Variants in LRRC37A2 observed in about 807,000 individuals in gnomAD.
LRRC37A2 encodes leucine-rich repeat-containing protein 37A2.
A neutral mutation model predicts 68.8 loss-of-function variants in LRRC37A2; 9 were observed. That is an observed-to-expected ratio of 0.13 (90% CI 0.08 to 0.23). LRRC37A2 has a LOEUF of 0.23. LRRC37A2 is among the 10% of genes least tolerant of loss of function. The probability of loss-of-function intolerance (pLI) is 1.00; values close to 1 mark genes in which losing one functional copy is unlikely to be tolerated. For synonymous variants in LRRC37A2, 63 were observed against 367.6 expected, an observed-to-expected ratio of 0.17 and a Z score of 9.48; for missense variants, 168 against 950.4, an observed-to-expected ratio of 0.18 and a Z score of 10.82.
chr17:46,472,910 G>A, the LRRC37A2 span, among the ~76,000 whole-genome samples: 1 of 61,140 alleles, frequency 1.6e-5, no homozygotes, highest in South Asian at 6.5e-4. Context: ...GTGAGACTCC[G>A]TCTCAAAAAA....
At chr17:46,947,394 A>G in the LRRC37A2 span, among the ~76,000 whole-genome samples, 12 of 152,238 alleles carry the variant, frequency 7.9e-5, no homozygotes, top group South Asian at 2.5e-3. Flanking sequence ...ACCACCAACC[A>G]GGCGGAGGCA....
At chr17:46,918,596 G>GACACACACAC in the LRRC37A2 span, among the ~76,000 whole-genome samples, 2 of 146,656 alleles carry the variant, frequency 1.4e-5, no homozygotes, top group African/African-American at 5.0e-5. Context: ...ATAGCAGGCA[G>GACACACACAC]ACACACACAC....
chr17:46,991,663 C>T, the LRRC37A2 span, among the ~76,000 whole-genome samples: 12 of 152,152 alleles, frequency 7.9e-5, no homozygotes, highest in East Asian at 2.3e-3. Context: ...CAGTATAAAA[C>T]CACTGTCACA....
the LRRC37A2 span, among the ~76,000 whole-genome samples, chr17:46,837,520 C>T: frequency 3.9e-5 from 6 of 152,140 alleles, no homozygotes; most frequent in South Asian, 2.1e-4. Context: ...CAAGAGCTGC[C>T]GCTGCCACCC....
the LRRC37A2 span, among the ~76,000 whole-genome samples, chr17:46,986,972 G>C: frequency 3.3e-5 from 5 of 152,240 alleles, no homozygotes; most frequent in South Asian, 6.2e-4. Context: ...CAGGCCAGGG[G>C]GGGTGGCTCA....
chr17:46,900,194 T>TAC, the LRRC37A2 span, among the ~76,000 whole-genome samples: 53 of 101,740 alleles, frequency 5.2e-4, no homozygotes, highest in African/African-American at 2.5e-3. Flanking sequence ...TATATATATA[T>TAC]ATATATATAC....
chr17:46,707,761 G>A, the LRRC37A2 span, among the ~76,000 whole-genome samples: 6 of 152,120 alleles, frequency 3.9e-5, no homozygotes, highest in African/African-American at 1.4e-4. Flanking sequence ...GCCAGGCGTG[G>A]TGGCTCTTGC....
At chr17:46,980,042 C>T in the LRRC37A2 span, among the ~76,000 whole-genome samples, 3 of 152,134 alleles carry the variant, frequency 2.0e-5, no homozygotes, top group African/African-American at 7.2e-5. Context: ...CGATGGTCCT[C>T]TACAGCTATG....
chr17:46,864,122 G>A, the LRRC37A2 span, among the ~76,000 whole-genome samples: 23 of 152,354 alleles, frequency 1.5e-4, no homozygotes, highest in Admixed American at 7.2e-4. Context: ...CTGCCTGTGC[G>A]TGGGAAGAGG....
chr17:46,973,550 A>G, the LRRC37A2 span, among the ~76,000 whole-genome samples: 1 of 152,064 alleles, frequency 6.6e-6, no homozygotes. Flanking sequence ...TGCACTTATC[A>G]TGGGATCTCA....
At chr17:46,811,360 T>C in the LRRC37A2 span, among the ~76,000 whole-genome samples, 1 of 152,012 alleles carries the variant, frequency 6.6e-6, no homozygotes, top group East Asian at 1.9e-4. Flanking sequence ...GCGGAAGTGA[T>C]TGTAGCTGCA....
chr17:46,971,787 G>T, the LRRC37A2 span, among the ~76,000 whole-genome samples: 1 of 152,196 alleles, frequency 6.6e-6, no homozygotes, highest in Admixed American at 6.5e-5. Context: ...GTGGTTCTGT[G>T]CACACCTCAC....
At chr17:46,791,125 C>A in the LRRC37A2 span, among the ~76,000 whole-genome samples, 3 of 152,140 alleles carry the variant, frequency 2.0e-5, no homozygotes, top group Admixed American at 6.5e-5. Flanking sequence ...AGGCAGCAAG[C>A]CTTTTCCCTA....
chr17:46,987,332 A>G, the LRRC37A2 span, among the ~76,000 whole-genome samples: 1 of 152,104 alleles, frequency 6.6e-6, no homozygotes, highest in South Asian at 2.1e-4. Flanking sequence ...AGATGGCTAA[A>G]GAGGCATGTG....
At chr17:46,872,381 G>A in the LRRC37A2 span, 1 of 1,318,552 alleles carries the variant, frequency 7.6e-7, no homozygotes, top group Non-Finnish European at 9.8e-7. Context: ...CTGTAAAATG[G>A]GGACGGGACC....
the LRRC37A2 span, among the ~76,000 whole-genome samples, chr17:46,725,650 T>C: frequency 2.0e-5 from 3 of 152,126 alleles, no homozygotes; most frequent in Non-Finnish European, 4.4e-5. Context: ...TCTTCAATGG[T>C]TAAAAGATAC....
chr17:46,853,979 G>A, the LRRC37A2 span, among the ~76,000 whole-genome samples: 2 of 151,910 alleles, frequency 1.3e-5, no homozygotes, highest in South Asian at 4.2e-4. Context: ...TGACATGTGA[G>A]ATGGTCAAAT....
chr17:46,818,341 G>C, the LRRC37A2 span, among the ~76,000 whole-genome samples: 1 of 143,164 alleles, frequency 7.0e-6, no homozygotes, highest in African/African-American at 2.6e-5. Context: ...GGAGCCAGGA[G>C]TTGGATTCTG....
the LRRC37A2 span, among the ~76,000 whole-genome samples, chr17:46,386,196 T>C: frequency 8.7e-6 from 1 of 115,046 alleles, no homozygotes; most frequent in Non-Finnish European, 2.0e-5. Flanking sequence ...CCTGTTGGGC[T>C]CAAGCGATCC....
Sources: allele counts gnomAD v4.1 joint callset (sites outside exome capture counted in the v4.1 genomes callset), GRCh38; gene constraint gnomAD v4.1.1; transcripts MANE v1.5; gene names NCBI Gene and HGNC (gene_info 2026-07-23, HGNC 2026-07-21).